Variants in OSBPL9 observed in about 807,000 individuals in gnomAD.
OSBPL9 encodes oxysterol-binding protein-related protein 9.
In OSBPL9, 40 loss-of-function variants were observed where a neutral mutation model predicts 106.6. That is an observed-to-expected ratio of 0.38 (90% confidence interval 0.29 to 0.49). The LOEUF is 0.49. Ranked by LOEUF, OSBPL9 falls within the 20% of genes least tolerant of loss-of-function variation. The pLI is 0.97. For synonymous variants in OSBPL9, 269 were observed against 295.4 expected (o/e 0.91, Z 0.92); for missense variants, 609 against 887.2 (o/e 0.69, Z 3.98).
chr1:51,548,322 C>T, the OSBPL9 span, among the ~76,000 whole-genome samples: 1 of 152,092 alleles, frequency 6.6e-6, no homozygotes, highest in Non-Finnish European at 1.5e-5. Flanking sequence ...TGGTCTTGAA[C>T]TCCTGGGCTC....
Position 51,787,997 on chromosome 1 carries a change from G to T in OSBPL9, c.*208G>T. 1 of 525,616 alleles carries T rather than the reference G, an allele frequency of 1.9e-6. No homozygotes were observed. The highest frequency in any genetic ancestry group is 3.4e-6 in the Non-Finnish European group (1 of 297,760). 32.6% of individuals were successfully genotyped at this position (525,616 alleles called of 1,614,324 possible). A position where few individuals can be genotyped will look rare whatever the true frequency, so the allele number is the denominator to read the frequency against. Reference sequence around the variant, plus strand: ...TGTGGCAGTTACGATTTTGACTTCAGTCCTGAGAAAAACTTCAGGTTTTGA... The same window carrying T: ...TGTGGCAGTTACGATTTTGACTTCATTCCTGAGAAAAACTTCAGGTTTTGA... On this transcript the variant is annotated 3_prime_UTR_variant, in exon 24 of 24. Coordinates refer to ENST00000428468, the MANE Select transcript of OSBPL9 (RefSeq NM_024586.6).
chr1:51,600,750 C>A (rs1557581025), intron 2 of OSBPL9, among the ~76,000 whole-genome samples: 1 of 152,158 alleles, frequency 6.6e-6, no homozygotes, highest in African/African-American at 2.4e-5. Context: ...TGCATAACAT[C>A]AGAAACCAAG....
At chr1:51,602,854 TA>T (rs1454706689) in intron 2 of OSBPL9, among the ~76,000 whole-genome samples, 1 of 152,058 alleles carries the variant, frequency 6.6e-6, no homozygotes, top group Admixed American at 6.6e-5. Flanking sequence ...TGGAATAAGG[TA>T]AATAATAACA....
chr1:51,775,592 T>C (rs1237345828), intron 14 of OSBPL9, among the ~76,000 whole-genome samples: 3 of 151,868 alleles, frequency 2.0e-5, no homozygotes, highest in African/African-American at 7.2e-5. Flanking sequence ...GTCTCCACCA[T>C]AGCTTGCTTG....
intron 1 of OSBPL9, among the ~76,000 whole-genome samples, chr1:51,623,593 G>GT (rs1363861011): frequency 7.2e-5 from 11 of 152,188 alleles, no homozygotes; most frequent in Non-Finnish European, 1.5e-5. Flanking sequence ...GAAATCATAT[G>GT]TTCTTTGCTG....
the OSBPL9 span, among the ~76,000 whole-genome samples, chr1:51,543,605 C>G: frequency 6.6e-6 from 1 of 152,284 alleles, no homozygotes. Context: ...CCGTGTTAGC[C>G]AGGGTGGTCT....
the OSBPL9 span, among the ~76,000 whole-genome samples, chr1:51,542,483 C>G: frequency 6.6e-6 from 1 of 152,162 alleles, no homozygotes; most frequent in Non-Finnish European, 1.5e-5. Context: ...ATTTGAACGG[C>G]CAGTGAAAAG....
intron 12 of OSBPL9, among the ~76,000 whole-genome samples, chr1:51,770,210 C>T (rs941258736): frequency 1.5e-4 from 23 of 150,720 alleles, no homozygotes; most frequent in Admixed American, 9.3e-4. Flanking sequence ...GGTGCGATGT[C>T]GGCTTATTGC....
At chr1:51,627,461 G>A (rs774547086) in intron 1 of OSBPL9, among the ~76,000 whole-genome samples, 2 of 152,250 alleles carry the variant, frequency 1.3e-5, no homozygotes, top group South Asian at 2.1e-4. Flanking sequence ...GTGAAGATTT[G>A]TATTTAGACT....
chr1:51,704,444 T>G (rs928974906), intron 3 of OSBPL9, among the ~76,000 whole-genome samples: 2 of 152,258 alleles, frequency 1.3e-5, no homozygotes, highest in African/African-American at 4.8e-5. Flanking sequence ...GTTTATAGTA[T>G]TCTCTGATGG....
At chr1:51,594,548 G>C (rs1331443515) in intron 1 of OSBPL9, among the ~76,000 whole-genome samples, 1 of 152,180 alleles carries the variant, frequency 6.6e-6, no homozygotes, top group Admixed American at 6.5e-5. Context: ...AACGTTTACT[G>C]CATGCCAACT....
the OSBPL9 span, among the ~76,000 whole-genome samples, chr1:51,539,294 G>A: frequency 6.6e-6 from 1 of 152,132 alleles, no homozygotes; most frequent in Non-Finnish European, 1.5e-5. Context: ...AAACTTAGAA[G>A]TTATTCTTGA....
chr1:51,546,119 C>T, the OSBPL9 span, among the ~76,000 whole-genome samples: 5 of 152,098 alleles, frequency 3.3e-5, no homozygotes, highest in East Asian at 3.9e-4. Context: ...TGGGCTCAAG[C>T]GATCCTCTCA....
At chr1:51,562,821 C>T in the OSBPL9 span, among the ~76,000 whole-genome samples, 5 of 152,176 alleles carry the variant, frequency 3.3e-5, no homozygotes, top group Admixed American at 3.3e-4. Flanking sequence ...TAAAATCATG[C>T]TTGCTTCAGT....
chr1:51,605,745 G>A (rs903228706), intron 2 of OSBPL9, among the ~76,000 whole-genome samples: 1 of 152,156 alleles, frequency 6.6e-6, no homozygotes, highest in African/African-American at 2.4e-5. Flanking sequence ...CACTTTGGGA[G>A]GCTGAGGTGG....
At chr1:51,730,108 T>A in intron 4 of OSBPL9, 6 of 1,251,430 alleles carry the variant, frequency 4.8e-6, no homozygotes, top group Non-Finnish European at 6.1e-6. Flanking sequence ...CCTGCCTCCT[T>A]CCCGCCGCCC....
intron 8 of OSBPL9, 138 bp from the exon 9 acceptor site, chr1:51,756,182 T>A (rs1285379348): frequency 1.4e-6 from 1 of 698,698 alleles, no homozygotes; most frequent in Non-Finnish European, 2.5e-6. Flanking sequence ...CACATGGAAT[T>A]AAAATCTTAG....
At chr1:51,783,844 C>A in intron 17 of OSBPL9, 71 bp from the exon 18 acceptor site, 1 of 1,141,736 alleles carries the variant, frequency 8.8e-7, no homozygotes, top group Admixed American at 1.9e-5. Context: ...CCAATTATTT[C>A]CCCAGGTTAT....
At chr1:51,774,260 A>G (rs960574187) in intron 14 of OSBPL9, among the ~76,000 whole-genome samples, 4 of 152,210 alleles carry the variant, frequency 2.6e-5, no homozygotes, top group African/African-American at 9.7e-5. Context: ...CTTGCCTCAC[A>G]TAATTTTCTC....
Sources: allele counts gnomAD v4.1 joint callset (sites outside exome capture counted in the v4.1 genomes callset), GRCh38; gene constraint gnomAD v4.1.1; transcripts MANE v1.5; gene names NCBI Gene and HGNC (gene_info 2026-07-23, HGNC 2026-07-21).